The following FCHSD2 variants were observed in gnomAD, a reference collection of about 807,000 sequenced individuals.
FCHSD2 encodes FCH and double SH3 domains 2, also known as F-BAR and double SH3 domains protein 2.
FCHSD2 carries 38 observed loss-of-function variants against 108.1 expected under a neutral mutation model. The observed-to-expected ratio is 0.35, with a 90% CI of 0.27 to 0.46. FCHSD2 has a LOEUF of 0.46. Ranked by LOEUF, FCHSD2 falls within the 20% of genes least tolerant of loss-of-function variation. The probability of loss-of-function intolerance (pLI) is 1.00; values close to 1 mark genes in which losing one functional copy is unlikely to be tolerated. For synonymous variants in FCHSD2, 279 were observed against 314.7 expected (o/e 0.89, Z 1.20); for missense variants, 751 against 897.8 (o/e 0.84, Z 2.09).
chr11:73,100,653 G>A (rs1860201573), intron 2 of FCHSD2, among the ~76,000 whole-genome samples: 2 of 152,078 alleles, frequency 1.3e-5, no homozygotes, highest in Non-Finnish European at 2.9e-5. Context: ...GTGAGCCACC[G>A]TGATCGGCCT....
At chr11:72,839,722 T>C (rs969343881) in intron 19 of FCHSD2, among the ~76,000 whole-genome samples, 1 of 152,114 alleles carries the variant, frequency 6.6e-6, no homozygotes, top group African/African-American at 2.4e-5. Flanking sequence ...TTGCTGAGTT[T>C]TGGGGATCTG....
intron 18 of FCHSD2, among the ~76,000 whole-genome samples, 159 bp from the exon 19 acceptor site, chr11:72,841,118 T>C (rs776156339): frequency 1.3e-5 from 2 of 152,116 alleles, no homozygotes; most frequent in East Asian, 1.9e-4. Context: ...CAGTGAGCTA[T>C]GATCCCACCA....
At chr11:72,883,810 T>C (rs1207329102) in intron 12 of FCHSD2, among the ~76,000 whole-genome samples, 1 of 151,930 alleles carries the variant, frequency 6.6e-6, no homozygotes, top group Non-Finnish European at 1.5e-5. Flanking sequence ...AGTGCGCCTG[T>C]ATTCCCAGCT....
At chr11:72,948,491 A>G in intron 8 of FCHSD2, among the ~76,000 whole-genome samples, 1 of 152,272 alleles carries the variant, frequency 6.6e-6, no homozygotes, top group Non-Finnish European at 1.5e-5. Context: ...CTTACAACAT[A>G]ATTTCTGAGA....
intron 10 of FCHSD2, among the ~76,000 whole-genome samples, chr11:72,893,021 C>CA: frequency 6.6e-6 from 1 of 151,890 alleles, no homozygotes; most frequent in Middle Eastern, 3.4e-3. Context: ...TTTTTTGAGA[C>CA]AGAGTTTCAC....
intron 3 of FCHSD2, among the ~76,000 whole-genome samples, chr11:73,062,378 TCTC>T (rs1190675612): frequency 6.6e-6 from 1 of 152,118 alleles, no homozygotes; most frequent in Non-Finnish European, 1.5e-5. Flanking sequence ...AAATGCCTCT[TCTC>T]CTCCAAAGGA....
intron 9 of FCHSD2, among the ~76,000 whole-genome samples, chr11:72,920,958 A>G (rs1345642227): frequency 6.6e-6 from 1 of 152,124 alleles, no homozygotes; most frequent in Non-Finnish European, 1.5e-5. Context: ...TATATACAAG[A>G]GGCATTCAGG....
At chr11:72,992,912 T>G (rs1385574386) in intron 5 of FCHSD2, among the ~76,000 whole-genome samples, 2 of 151,964 alleles carry the variant, frequency 1.3e-5, no homozygotes, top group African/African-American at 4.8e-5. Context: ...ACAAATAGGA[T>G]CTAATTAAAC....
intron 13 of FCHSD2, among the ~76,000 whole-genome samples, chr11:72,862,131 G>C (rs566843134): frequency 1.3e-5 from 2 of 152,172 alleles, no homozygotes; most frequent in South Asian, 4.1e-4. Flanking sequence ...ACATGATAAA[G>C]GGCATCTACA....
chr11:72,879,999 C>CAAA (rs541384964), intron 12 of FCHSD2, among the ~76,000 whole-genome samples: 13 of 63,138 alleles, frequency 2.1e-4, no homozygotes, highest in East Asian at 4.6e-4. Flanking sequence ...AATTCTGTCT[C>CAAA]AAAAAAAAAA....
chr11:72,840,803 G>A (rs946891101), intron 19 of FCHSD2, 74 bp downstream of exon 19: 26 of 1,128,264 alleles, frequency 2.3e-5, no homozygotes, highest in Admixed American at 3.8e-5. Context: ...CAGGGGCCAC[G>A]GGGAAACATT....
At chr11:72,896,516 A>C (rs1002379309) in intron 10 of FCHSD2, among the ~76,000 whole-genome samples, 1 of 152,192 alleles carries the variant, frequency 6.6e-6, no homozygotes, top group African/African-American at 2.4e-5. Flanking sequence ...GAAAAGTACA[A>C]GTCATGTACT....
At chr11:72,874,773 T>C (rs1317045918) in intron 12 of FCHSD2, among the ~76,000 whole-genome samples, 3 of 152,208 alleles carry the variant, frequency 2.0e-5, no homozygotes, top group Admixed American at 2.0e-4. Flanking sequence ...CCCTTTAGGA[T>C]TTCAGTTGCT....
intron 3 of FCHSD2, among the ~76,000 whole-genome samples, chr11:73,048,362 T>A (rs1591512282): frequency 6.6e-6 from 1 of 152,190 alleles, no homozygotes; most frequent in African/African-American, 2.4e-5. Context: ...TATTTACAGG[T>A]ACTAGGCATT....
At chr11:72,961,635 A>C (rs1322352333) in intron 8 of FCHSD2, among the ~76,000 whole-genome samples, 1 of 152,174 alleles carries the variant, frequency 6.6e-6, no homozygotes, top group African/African-American at 2.4e-5. Context: ...TGAAGACAGC[A>C]ATTCCCTACC....
chr11:72,939,753 G>A (rs1274540688), intron 8 of FCHSD2, among the ~76,000 whole-genome samples: 2 of 150,964 alleles, frequency 1.3e-5, no homozygotes, highest in African/African-American at 4.9e-5. Flanking sequence ...CGAGCAGCTG[G>A]GATTACAGAT....
intron 8 of FCHSD2, 22 bp from the exon 9 acceptor site, chr11:72,921,972 A>G (rs1855983585): frequency 6.5e-7 from 1 of 1,543,030 alleles, no homozygotes. Context: ...GAGTAAATAA[A>G]AGAAAAAAAA....
In FCHSD2 at chr11:73,097,697, T is replaced by G. The variant is rs1199067207; in HGVS notation, c.120-13957A>C. Among the ~76,000 whole-genome samples, 38 of 151,944 alleles carry G rather than the reference T, an allele frequency of 2.5e-4. 2 individuals are homozygous for G. The highest frequency in any genetic ancestry group is 2.5e-3 in the Admixed American group (38 of 15,270). On this transcript the variant is annotated intron_variant, in intron 2 of 19. Coordinates refer to ENST00000409418, the MANE Select transcript of FCHSD2 (RefSeq NM_014824.3). ...TTTCTATTTTTTTCTGTAATCAGTT[T>G]TAGTAATTTGTGTGTTTCTAAGATT...
At chr11:72,869,954 A>T (rs1854815564) in intron 12 of FCHSD2, among the ~76,000 whole-genome samples, 1 of 152,134 alleles carries the variant, frequency 6.6e-6, no homozygotes, top group Non-Finnish European at 1.5e-5. Flanking sequence ...GGAATAAAAA[A>T]TATCTTTCAC....
Sources: allele counts gnomAD v4.1 joint callset (sites outside exome capture counted in the v4.1 genomes callset), GRCh38; gene constraint gnomAD v4.1.1; transcripts MANE v1.5; gene names NCBI Gene and HGNC (gene_info 2026-07-23, HGNC 2026-07-21).